The following CCDC102B variants were observed in gnomAD, a reference collection of about 807,000 sequenced individuals.
CCDC102B encodes the protein coiled-coil domain containing 102B.
A neutral mutation model predicts 57.4 loss-of-function variants in CCDC102B; 75 were observed. That is an observed-to-expected ratio of 1.31 (90% CI 1.08 to 1.58). The LOEUF is 1.58. Among genes scored for constraint, CCDC102B ranks in the 40% most tolerant of loss-of-function variants. The pLI, the probability that CCDC102B is intolerant of heterozygous loss-of-function variation, is 0.00. For missense variants in CCDC102B, 636 were observed against 582.6 expected (o/e 1.09, Z -0.94); for synonymous variants, 206 against 201.9 (o/e 1.02, Z -0.17).
intron 6 of CCDC102B, among the ~76,000 whole-genome samples, chr18:68,971,056 T>A (rs578148904): frequency 3.3e-5 from 5 of 152,146 alleles, no homozygotes; most frequent in African/African-American, 1.2e-4. Flanking sequence ...ATATTTGCAA[T>A]ACAGAAACTT....
chr18:68,733,504 A>T (rs1262188929), intron 2 of CCDC102B, among the ~76,000 whole-genome samples: 41 of 82,938 alleles, frequency 4.9e-4, no homozygotes, highest in African/African-American at 2.9e-3. Context: ...ATATATATAT[A>T]TATTTTTTTA....
In CCDC102B at chr18:68,902,797, G is replaced by C. The variant is rs568046651; in HGVS notation, c.1263+5369G>C. Among the ~76,000 whole-genome samples, 51 of 152,206 alleles carry C rather than the reference G, an allele frequency of 3.4e-4. 1 individual carries two copies. In the South Asian group the frequency reaches 5.8e-3, roughly 17 times the overall value. On this transcript the variant is annotated intron_variant, in intron 6 of 7. Coordinates refer to ENST00000360242, the MANE Select transcript of CCDC102B (RefSeq NM_024781.3). ...TAGAAAAGCCTTTCCTGATCTACCTGAATAGATCATATAGCTGTTGCAGTT... is the reference window on the plus strand; with the variant it reads ...TAGAAAAGCCTTTCCTGATCTACCTCAATAGATCATATAGCTGTTGCAGTT...
intron 2 of CCDC102B, among the ~76,000 whole-genome samples, chr18:68,780,141 T>C (rs892692266): frequency 6.6e-6 from 1 of 152,130 alleles, no homozygotes; most frequent in African/African-American, 2.4e-5. Context: ...CTGACTTCTT[T>C]TACTTATCAT....
intron 2 of CCDC102B, among the ~76,000 whole-genome samples, chr18:68,733,438 G>A (rs922716877): frequency 1.4e-4 from 20 of 140,950 alleles, no homozygotes; most frequent in Admixed American, 7.3e-4. Context: ...ACTCAACAAC[G>A]GAGAGGAAAG....
chr18:68,909,596 C>T (rs981644436), intron 6 of CCDC102B, among the ~76,000 whole-genome samples: 1 of 151,928 alleles, frequency 6.6e-6, no homozygotes, highest in Non-Finnish European at 1.5e-5. Flanking sequence ...TAGGAATAGA[C>T]CAGGGATGAA....
intron 5 of CCDC102B, among the ~76,000 whole-genome samples, chr18:68,880,092 G>T (rs187058004): frequency 6.6e-5 from 10 of 152,288 alleles, no homozygotes; most frequent in African/African-American, 2.4e-4. Context: ...GCCCATGGAG[G>T]GGGTGGAAGG....
chr18:68,913,310 C>CTCTGTGTGTGTGTG (rs558373265), intron 6 of CCDC102B, among the ~76,000 whole-genome samples: 1 of 135,496 alleles, frequency 7.4e-6, no homozygotes, highest in Admixed American at 7.5e-5. Context: ...TGGTTAGTGT[C>CTCTGTGTGTGTGTG]TGTGTGTGTG....
chr18:68,754,152 G>T (rs2033961675), intron 2 of CCDC102B: 1 of 140,288 alleles, frequency 7.1e-6, no homozygotes, highest in Non-Finnish European at 1.6e-5. Flanking sequence ...AATATTTGAG[G>T]AGGTTTACAA....
chr18:68,922,675 CT>C (rs774663016), intron 6 of CCDC102B, among the ~76,000 whole-genome samples: 6 of 152,060 alleles, frequency 3.9e-5, no homozygotes, highest in Admixed American at 6.6e-5. Context: ...GGTGTTCCCT[CT>C]TTAGTTGTTG....
At chr18:68,866,602 C>G in intron 4 of CCDC102B, 1 of 300,796 alleles carries the variant, frequency 3.3e-6, no homozygotes, top group South Asian at 3.5e-5. Flanking sequence ...AAAGCTGCTC[C>G]TTTGGGAACC....
chr18:68,726,542 A>T (rs921231138), intron 2 of CCDC102B, among the ~76,000 whole-genome samples: 2 of 152,214 alleles, frequency 1.3e-5, no homozygotes. Context: ...AATCCACACT[A>T]TTCAACTGCT....
chr18:68,800,941 G>A lies in CCDC102B; in HGVS notation c.-16+2760G>A, dbSNP rs79083386. ...TTCTCAAAGTAGAACTAGTATCTGG[G>A]ATAACATTCATTTTCTTCTTCTTTT... On this transcript the variant is annotated intron_variant, in intron 1 of 7. Coordinates refer to ENST00000360242, the MANE Select transcript of CCDC102B (RefSeq NM_024781.3). Among the ~76,000 whole-genome samples, 1,323 of 151,954 alleles carry A rather than the reference G, an allele frequency of 8.7e-3. 25 individuals are homozygous for A. Among genetic ancestry groups the A allele is most frequent in the African/African-American group, 0.03 (1,255 of 41,460 alleles).
chr18:68,908,465 C>T (rs1344688307), intron 6 of CCDC102B: 1 of 152,164 alleles, frequency 6.6e-6, no homozygotes, highest in African/African-American at 2.4e-5. Flanking sequence ...ATGGACACTT[C>T]AAGCTGCCTA....
chr18:68,849,519 A>G (rs1038808167), intron 4 of CCDC102B, among the ~76,000 whole-genome samples: 6 of 151,990 alleles, frequency 3.9e-5, no homozygotes, highest in Non-Finnish European at 5.9e-5. Flanking sequence ...TTTTCCTTCC[A>G]GGTCTATTTA....
intron 6 of CCDC102B, among the ~76,000 whole-genome samples, chr18:68,905,995 A>G (rs1017899888): frequency 1.3e-5 from 2 of 151,540 alleles, no homozygotes; most frequent in African/African-American, 2.4e-5. Context: ...GGGTTTCACC[A>G]TGTTAGCCAG....
At chr18:68,757,396 C>A (rs900117698) in intron 2 of CCDC102B, among the ~76,000 whole-genome samples, 2 of 152,024 alleles carry the variant, frequency 1.3e-5, no homozygotes, top group African/African-American at 2.4e-5. Context: ...TAGACTTAAT[C>A]TAAAACAGCT....
intron 6 of CCDC102B, chr18:68,908,748 G>T (rs1265203791): frequency 1.3e-5 from 2 of 151,934 alleles, no homozygotes; most frequent in Non-Finnish European, 2.9e-5. Flanking sequence ...TAATATTAAT[G>T]GATTTATTAA....
intron 7 of CCDC102B, among the ~76,000 whole-genome samples, chr18:69,029,565 T>G (rs1286964692): frequency 6.6e-6 from 1 of 152,192 alleles, no homozygotes; most frequent in Non-Finnish European, 1.5e-5. Context: ...TGTTATGAGC[T>G]CTTCCCAATA....
chr18:68,954,775 T>G (rs1157040618), intron 6 of CCDC102B, among the ~76,000 whole-genome samples: 1 of 152,208 alleles, frequency 6.6e-6, no homozygotes, highest in African/African-American at 2.4e-5. Flanking sequence ...GCTCAAGTGA[T>G]TTTCATTGAA....
Sources: allele counts gnomAD v4.1 joint callset (sites outside exome capture counted in the v4.1 genomes callset), GRCh38; gene constraint gnomAD v4.1.1; transcripts MANE v1.5; gene names NCBI Gene and HGNC (gene_info 2026-07-23, HGNC 2026-07-21).